The following RPA1 variants were observed in gnomAD, a reference collection of about 807,000 sequenced individuals.
RPA1 encodes replication protein A 70 kDa DNA-binding subunit.
Under a neutral mutation model 83.0 loss-of-function variants are expected in RPA1, and 49 were observed. The ratio of observed to expected loss-of-function variants is 0.59; its 90% CI spans 0.47 to 0.75. RPA1 has a LOEUF of 0.75. Ranked by LOEUF, RPA1 falls within the 30% of genes least tolerant of loss-of-function variation. The probability of loss-of-function intolerance (pLI) is 0.00; values close to 1 mark genes in which losing one functional copy is unlikely to be tolerated. For missense variants in RPA1, 693 were observed against 776.1 expected (o/e 0.89, Z 1.27); for synonymous variants, 279 against 281.8 (o/e 0.99, Z 0.10).
rs1279389465 is a variant in RPA1, at chr17:1,898,297, C to CT, written c.*1122_*1123insT. On this transcript the variant is annotated 3_prime_UTR_variant, in exon 17 of 17. Transcript: ENST00000254719. Reference sequence around the variant, plus strand: ...TTGCCTGAGGATGCTGATGATCTGGCACTTGGGATTTTATTGATGTTTACG... The same window carrying CT: ...TTGCCTGAGGATGCTGATGATCTGGCTACTTGGGATTTTATTGATGTTTACG... 6.6e-6 allele frequency: 1 copy of CT among 152,164 alleles called. No individual in the cohort carries two copies. The highest frequency in any genetic ancestry group is 1.5e-5 in the Non-Finnish European group (1 of 68,034). The allele number at this position is 152,164 out of a possible 1,614,324, so 9.4% of individuals were successfully genotyped here. A position where few individuals can be genotyped will look rare whatever the true frequency, so the allele number is the denominator to read the frequency against.
intron 5 of RPA1, among the ~76,000 whole-genome samples, chr17:1,862,182 G>A (rs1913000025): frequency 1.4e-5 from 2 of 141,418 alleles, no homozygotes. Context: ...GTGAGCCACC[G>A]CCCCCAACCG....
At chr17:1,859,898 C>T (rs1363378663) in intron 5 of RPA1, among the ~76,000 whole-genome samples, 1 of 152,018 alleles carries the variant, frequency 6.6e-6, no homozygotes, top group Non-Finnish European at 1.5e-5. Flanking sequence ...CTGCAACCTC[C>T]GCCTCCCAGG....
intron 4 of RPA1, among the ~76,000 whole-genome samples, chr17:1,847,768 C>T (rs537905528): frequency 6.6e-6 from 1 of 152,210 alleles, no homozygotes; most frequent in East Asian, 1.9e-4. Context: ...GGCCTGTAAT[C>T]CCAGCACTTT....
intron 1 of RPA1, among the ~76,000 whole-genome samples, chr17:1,841,748 G>A (rs1356842599): frequency 6.6e-6 from 1 of 152,152 alleles, no homozygotes; most frequent in Non-Finnish European, 1.5e-5. Context: ...TGTTAAGTGT[G>A]ATGGTAACCG....
chr17:1,865,416 A>G (rs1356271992), intron 5 of RPA1, among the ~76,000 whole-genome samples: 5 of 152,218 alleles, frequency 3.3e-5, no homozygotes, highest in African/African-American at 1.2e-4. Flanking sequence ...TTTCACATTT[A>G]TATATTTGTC....
intron 5 of RPA1, among the ~76,000 whole-genome samples, chr17:1,868,695 C>T (rs527882104): frequency 1.8e-4 from 28 of 152,136 alleles, no homozygotes; most frequent in African/African-American, 4.8e-4. Context: ...GTTGAGATCG[C>T]GCCACTGCCC....
chr17:1,848,554 T>A (rs1252478687), intron 4 of RPA1, among the ~76,000 whole-genome samples: 1 of 151,698 alleles, frequency 6.6e-6, no homozygotes, highest in Non-Finnish European at 1.5e-5. Context: ...GAAGTTGCAG[T>A]GAGTCAAGAT....
intron 5 of RPA1, chr17:1,858,051 C>T (rs1210403609): frequency 9.3e-6 from 15 of 1,612,480 alleles, no homozygotes; most frequent in Non-Finnish European, 1.3e-5. Context: ...ACATGGCTGC[C>T]AGCCCCATAG....
intron 5 of RPA1, among the ~76,000 whole-genome samples, chr17:1,857,061 T>C (rs1311140218): frequency 6.6e-6 from 1 of 152,130 alleles, no homozygotes; most frequent in South Asian, 2.1e-4. Context: ...GATCTTTTTT[T>C]CTAACATAGG....
At chr17:1,861,526 A>G (rs951303827) in intron 5 of RPA1, among the ~76,000 whole-genome samples, 4 of 152,158 alleles carry the variant, frequency 2.6e-5, no homozygotes, top group Admixed American at 2.6e-4. Flanking sequence ...TTAAAAACAA[A>G]ACAGCATTCT....
intron 5 of RPA1, among the ~76,000 whole-genome samples, chr17:1,866,790 C>T (rs1412258297): frequency 6.6e-6 from 1 of 152,210 alleles, no homozygotes; most frequent in Admixed American, 6.5e-5. Flanking sequence ...TGAAATTATT[C>T]ATGCTGCTTC....
At chr17:1,852,557 G>A (rs1247510094) in intron 4 of RPA1, among the ~76,000 whole-genome samples, 5 of 152,250 alleles carry the variant, frequency 3.3e-5, no homozygotes, top group Non-Finnish European at 7.3e-5. Flanking sequence ...GCAGAGGGCA[G>A]GCAGCGGCAC....
chr17:1,873,965 C>G (rs1207975046), intron 6 of RPA1, among the ~76,000 whole-genome samples: 1 of 131,266 alleles, frequency 7.6e-6, no homozygotes, highest in East Asian at 2.3e-4. Context: ...TGCCCTCTAG[C>G]CTGGACAACA....
intron 1 of RPA1, among the ~76,000 whole-genome samples, chr17:1,832,062 G>C (rs1911640016): frequency 6.6e-6 from 1 of 151,856 alleles, no homozygotes; most frequent in Non-Finnish European, 1.5e-5. Context: ...CAGAGTAGCT[G>C]GGATTACAGG....
rs934368242 is a variant in RPA1 at position 1,830,038 on chromosome 17, G to C, written c.-56G>C. On this transcript the variant is annotated 5_prime_UTR_variant, in exon 1 of 17. Coordinates refer to ENST00000254719, the MANE Select transcript of RPA1 (RefSeq NM_002945.5). ...AATAACTGCGCAGCGCGCGGGACCC[G>C]GGTGGGGAAGCTGGAGCTGTTGCGG... is the stretch of plus-strand genomic sequence containing the variant. 3.2e-6 allele frequency: 4 copies of C among 1,245,394 alleles called. No individual in the cohort carries two copies. Among genetic ancestry groups the C allele is most frequent in the Non-Finnish European group, 4.1e-6 (4 of 985,868 alleles). 77.1% of individuals were successfully genotyped at this position (1,245,394 alleles called of 1,614,324 possible). A position where few individuals can be genotyped will look rare whatever the true frequency, so the allele number is the denominator to read the frequency against.
At position 1,898,505 on chromosome 17, in the gene RPA1, G is replaced by A. The variant is rs1914533334; in HGVS notation, c.*1330G>A. On this transcript the variant is annotated 3_prime_UTR_variant, in exon 17 of 17. Coordinates refer to ENST00000254719, the MANE Select transcript of RPA1 (RefSeq NM_002945.5). ...CCTGCCATTGGCCGCACATCTCGCC[G>A]TCGTACCCCGGCAGTGCGGCGGTCA... 2 of 152,246 alleles carry A rather than the reference G, an allele frequency of 1.3e-5. No individual in the cohort carries two copies. Among genetic ancestry groups the A allele is most frequent in the African/African-American group, 2.4e-5 (1 of 41,452 alleles). The allele number at this position is 152,246 out of a possible 1,614,324, so 9.4% of individuals were successfully genotyped here.
Position 1,884,940 on chromosome 17 carries a change from C to A in RPA1, c.1374+996C>A, listed in dbSNP as rs1277212819. Among the ~76,000 whole-genome samples the A allele has an allele frequency of 6.6e-6, 1 of 152,168 alleles. No homozygotes were observed. Among genetic ancestry groups the A allele is most frequent in the Non-Finnish European group, 1.5e-5 (1 of 68,038 alleles). The stretch of plus-strand genomic sequence containing the variant: ...AGGGTTGATGGCTGAGCAGTCACGG[C>A]GATGGTTGCTGAACATCGGCGTGTC... On this transcript the variant is annotated intron_variant, in intron 13 of 16. Coordinates refer to ENST00000254719, the MANE Select transcript of RPA1 (RefSeq NM_002945.5). This position sits in a 1 kb window ranked among gnomAD's most constrained non-coding sequence, Gnocchi z 4.1.
chr17:1,888,283 C>T (rs997032586), intron 13 of RPA1, among the ~76,000 whole-genome samples: 20 of 152,118 alleles, frequency 1.3e-4, no homozygotes, highest in African/African-American at 1.2e-4. Context: ...GTTTGTGGTC[C>T]GCATTCTGTA....
chr17:1,875,109 C>A (rs577300815), intron 6 of RPA1, among the ~76,000 whole-genome samples: 89 of 152,330 alleles, frequency 5.8e-4, no homozygotes, highest in African/African-American at 2.0e-3. Flanking sequence ...AAAACTGATT[C>A]CTGCCCTTTG....
Sources: allele counts gnomAD v4.1 joint callset (sites outside exome capture counted in the v4.1 genomes callset), GRCh38; gene constraint gnomAD v4.1.1; non-coding constraint Gnocchi (gnomAD v3.1); transcripts MANE v1.5; gene names NCBI Gene and HGNC (gene_info 2026-07-23, HGNC 2026-07-21).